NLRP11: variants seen among roughly 807,000 people sequenced by gnomAD.
NLRP11 encodes NACHT, LRR and PYD domains-containing protein 11.
NLRP11 carries 53 observed loss-of-function variants against 79.3 expected under a neutral mutation model. The ratio of observed to expected loss-of-function variants is 0.67; its 90% CI spans 0.54 to 0.84. The LOEUF is 0.84. NLRP11 is among the 40% of genes least tolerant of loss of function. NLRP11 has a pLI of 0.00. For synonymous variants in NLRP11, 518 were observed against 462.6 expected (o/e 1.12, Z -1.54); for missense variants, 1,264 against 1,255.0 (o/e 1.01, Z -0.11).
intron 1 of NLRP11, among the ~76,000 whole-genome samples, chr19:55,823,051 C>T (rs1029574234): frequency 1.6e-4 from 24 of 148,830 alleles, no homozygotes; most frequent in Admixed American, 3.3e-4. Flanking sequence ...TCTCCCAGCA[C>T]GCAGCTGGAG....
intron 2 of NLRP11, among the ~76,000 whole-genome samples, chr19:55,816,507 T>C (rs1447939107): frequency 6.6e-6 from 1 of 152,178 alleles, no homozygotes; most frequent in African/African-American, 2.4e-5. Flanking sequence ...GGTTTTCAAT[T>C]GGAATACATG....
chr19:55,797,648 T>C (rs1382759634), intron 5 of NLRP11, among the ~76,000 whole-genome samples: 2 of 152,232 alleles, frequency 1.3e-5, no homozygotes, highest in African/African-American at 4.8e-5. Context: ...GGGCAGGCAC[T>C]GAGCGAAGAC....
At chr19:55,797,526 T>C (rs1460398585) in intron 5 of NLRP11, among the ~76,000 whole-genome samples, 2 of 152,190 alleles carry the variant, frequency 1.3e-5, no homozygotes, top group Non-Finnish European at 2.9e-5. Flanking sequence ...AATTCTAGCA[T>C]TGTAAAGACA....
At chr19:55,813,776 T>C (rs1487597938) in intron 2 of NLRP11, among the ~76,000 whole-genome samples, 1 of 152,074 alleles carries the variant, frequency 6.6e-6, no homozygotes, top group African/African-American at 2.4e-5. Context: ...GCAATGTCCA[T>C]GGAAGTGAGA....
At chr19:55,808,820 C>T in exon 3 of NLRP11, 1 of 1,613,568 alleles carries the variant, frequency 6.2e-7, no homozygotes. Flanking sequence ...GCGCTGAACA[C>T]TCAACTTAAG....
chr19:55,831,204 G>C (rs986825436), intron 1 of NLRP11, among the ~76,000 whole-genome samples: 1 of 146,336 alleles, frequency 6.8e-6, no homozygotes, highest in Non-Finnish European at 1.5e-5. Flanking sequence ...AGGAAGGGAG[G>C]TCAAACCTCC....
chr19:55,789,713 C>G (rs1273717015), intron 7 of NLRP11, among the ~76,000 whole-genome samples: 1 of 152,254 alleles, frequency 6.6e-6, no homozygotes, highest in Non-Finnish European at 1.5e-5. Context: ...CGTTGCAATA[C>G]TGAGCTTGGA....
intron 1 of NLRP11, among the ~76,000 whole-genome samples, chr19:55,831,213 C>T (rs11881548): frequency 0.016 from 2,326 of 148,112 alleles, 58 homozygotes; most frequent in African/African-American, 0.054. Context: ...GGTCAAACCT[C>T]CTCCTATCTC....
Position 55,796,104 on chromosome 19 carries a change from G to C in NLRP11, c.2318C>G (p.Pro773Arg). The change falls in exon 6 of 10, where the codon CCC becomes CGC. Residue 773 changes from proline (P) to arginine (R), a missense_variant. By Grantham distance (103) the Pro-to-Arg change is moderately radical. Transcript: ENST00000589093. ...CACCAGTGATATAAGAGTGCAGTTG[G>C]GATGAAGCAAGGCATCACACAGTAT... The C allele has an allele frequency of 1.9e-6, 3 of 1,613,568 alleles. No homozygotes were observed. In the South Asian group the frequency reaches 3.3e-5, roughly 18 times the overall value.
chr19:55,819,563 G>T (rs942640335), intron 1 of NLRP11, among the ~76,000 whole-genome samples: 1 of 152,166 alleles, frequency 6.6e-6, no homozygotes, highest in Non-Finnish European at 1.5e-5. Context: ...AGAGAAAGAA[G>T]ATCTGATCAG....
chr19:55,796,670 T>C (rs1198545144), intron 5 of NLRP11, among the ~76,000 whole-genome samples: 1 of 151,338 alleles, frequency 6.6e-6, no homozygotes, highest in Admixed American at 6.6e-5. Flanking sequence ...CCACATGCTC[T>C]GGCTCTCAAC....
chr19:55,829,279 A>G (rs570051971), intron 1 of NLRP11, among the ~76,000 whole-genome samples: 1 of 152,166 alleles, frequency 6.6e-6, no homozygotes, highest in Non-Finnish European at 1.5e-5. Context: ...ATCATCCTAT[A>G]CAATAGTATA....
rs1980133588 is a variant in NLRP11, at chr19:55,807,743, AT to A, written c.2003+109del. ...AAGTACAGAAGGAGCCTAGGCCCTG[AT>A]GAGCCTGACCTGAAAGTGTGTTTTG... On this transcript the variant is annotated intron_variant, in intron 4 of 9. Coordinates refer to ENST00000589093, the Ensembl canonical transcript of NLRP11. 18 of 694,614 alleles carry A rather than the reference AT, an allele frequency of 2.6e-5. 2 individuals carry two copies. The South Asian group carries it at 4.4e-4, about 17-fold the overall frequency. 43.0% of individuals were successfully genotyped at this position (694,614 alleles called of 1,614,324 possible).
chr19:55,823,196 G>A (rs951110136), intron 1 of NLRP11, among the ~76,000 whole-genome samples: 1 of 144,990 alleles, frequency 6.9e-6, no homozygotes, highest in Admixed American at 6.9e-5. Context: ...ACCTGCAGCT[G>A]AGGGTCCTGT....
At position 55,809,730 on chromosome 19, in the gene NLRP11, A is replaced by T. The variant is rs749749033; in HGVS notation, c.880T>A (p.Cys294Ser). The T allele has an allele frequency of 1.2e-6, 2 of 1,614,202 alleles. No individual in the cohort carries two copies. The highest frequency in any genetic ancestry group is 1.7e-6 in the Non-Finnish European group (2 of 1,180,034). Residue 294 changes from cysteine (C) to serine (S), a missense_variant, in exon 3 of 10, where the codon TGC becomes AGC. Coordinates refer to ENST00000589093, the Ensembl canonical transcript of NLRP11. This position sits in a 1 kb window ranked among gnomAD's most constrained non-coding sequence, Gnocchi z 4.5. ...TTCGACAGCTGCAAGGTCGTGCAGC[A>T]ATCTACCTCTTTCAAGAACGTTTTT...
chr19:55,808,476 G>A (rs1224890970), intron 3 of NLRP11, among the ~76,000 whole-genome samples: 2 of 152,080 alleles, frequency 1.3e-5, no homozygotes, highest in Non-Finnish European at 2.9e-5. Context: ...GGGGAAAAGG[G>A]GACCCTACTG....
chr19:55,809,290 G>A lies in NLRP11; in HGVS notation c.1320C>T (p.Asn440=), dbSNP rs767654391. Residue 440 remains asparagine (N), a synonymous_variant, in exon 3 of 10, where the codon AAC becomes AAT. Transcript: ENST00000589093. The surrounding 1 kb of genome is among the most constrained non-coding windows in gnomAD (Gnocchi z 4.5). The stretch of plus-strand genomic sequence containing the variant: ...TGAACTTGTAACGGTCTTTATGAGT[G>A]TTGCTCGGCAAAAGAATATTCGCGG... 6.2e-7 allele frequency: 1 copy of A among 1,614,058 alleles called. No individual in the cohort carries two copies. Among genetic ancestry groups the A allele is most frequent in the South Asian group, 1.1e-5 (1 of 91,086 alleles).
At chr19:55,824,814 G>C (rs1982138756) in intron 1 of NLRP11, among the ~76,000 whole-genome samples, 1 of 102,632 alleles carries the variant, frequency 9.7e-6, no homozygotes, top group Admixed American at 9.5e-5. Context: ...TTAATAATGG[G>C]AGACGTTAAC....
At position 55,817,984 on chromosome 19, in the gene NLRP11, T is replaced by C. The variant is rs754669246; in HGVS notation, c.191A>G (p.Tyr64Cys). The C allele has an allele frequency of 9.9e-6, 16 of 1,613,184 alleles. No homozygotes were observed. The highest frequency in any genetic ancestry group is 5.5e-5 in the South Asian group (5 of 91,074). The change falls in exon 2 of 10, where the codon TAT becomes TGT. Residue 64 changes from tyrosine to cysteine, a missense_variant. Physicochemically the swap from Tyr to Cys is radical, Grantham distance 194. Coordinates refer to ENST00000589093, the Ensembl canonical transcript of NLRP11. Reference sequence around the variant, plus strand: ...TATGCTGAAGAGCATATTCCATATATACTGTCCCTCATAAGAGATTGGCAA... The same window carrying C: ...TATGCTGAAGAGCATATTCCATATACACTGTCCCTCATAAGAGATTGGCAA...
Sources: allele counts gnomAD v4.1 joint callset (sites outside exome capture counted in the v4.1 genomes callset), GRCh38; gene constraint gnomAD v4.1.1; non-coding constraint Gnocchi (gnomAD v3.1); transcripts MANE v1.5; gene names NCBI Gene and HGNC (gene_info 2026-07-23, HGNC 2026-07-21).